The following RGS6 variants were observed in gnomAD, a reference collection of about 807,000 sequenced individuals.
The protein encoded by RGS6 is regulator of G protein signaling 6.
A neutral mutation model predicts 78.5 loss-of-function variants in RGS6; 30 were observed. The ratio of observed to expected loss-of-function variants is 0.38; its 90% CI spans 0.29 to 0.52. The LOEUF (loss-of-function observed/expected upper bound fraction) is 0.52, where lower values mean the gene tolerates loss of function less well. Ranked by LOEUF, RGS6 falls within the 20% of genes least tolerant of loss-of-function variation. The pLI is 0.85. For synonymous variants in RGS6, 206 were observed against 206.0 expected (o/e 1.00, Z 0.00); for missense variants, 495 against 609.7 (o/e 0.81, Z 1.98).
chr14:72,405,104 C>A (rs557779480), intron 3 of RGS6, among the ~76,000 whole-genome samples: 2 of 152,266 alleles, frequency 1.3e-5, no homozygotes, highest in Admixed American at 1.3e-4. Context: ...AGAATTGTTT[C>A]AAAACAGAGT....
intron 16 of RGS6, chr14:72,537,540 T>C: frequency 1.4e-6 from 1 of 702,370 alleles, no homozygotes; most frequent in Non-Finnish European, 2.6e-6. Context: ...TGATGGGCAG[T>C]GTGGAGCCTG....
intron 3 of RGS6, among the ~76,000 whole-genome samples, chr14:72,389,858 A>C (rs2089448796): frequency 6.6e-6 from 1 of 152,218 alleles, no homozygotes; most frequent in Non-Finnish European, 1.5e-5. Context: ...GTGTATAAAA[A>C]TCTTGGAGTT....
intron 2 of RGS6, among the ~76,000 whole-genome samples, chr14:72,335,368 C>T (rs2075839616): frequency 6.6e-6 from 1 of 152,124 alleles, no homozygotes; most frequent in African/African-American, 2.4e-5. Flanking sequence ...TTTCTGGGTT[C>T]CCTGATGAGA....
rs141187956 is a variant in RGS6, at chr14:72,437,768, C to T, written c.185-16760C>T. On this transcript the variant is annotated intron_variant, in intron 3 of 17. Transcript: ENST00000553525. ...GCCTGGCTCTGATGACATTCCACCC[C>T]GCAGTCTTCCAGCACACTGGGATCT... 4.3e-4 allele frequency among the ~76,000 whole-genome samples: 65 copies of T among 152,264 alleles called. No individual in the cohort carries two copies. In the East Asian group the frequency reaches 0.01, roughly 24 times the overall value.
At chr14:72,547,193 G>A (rs772262075) in intron 17 of RGS6, 1 of 1,535,258 alleles carries the variant, frequency 6.5e-7, no homozygotes, top group South Asian at 1.2e-5. Flanking sequence ...GGGAGCAGCA[G>A]CACCGCAGCA....
rs778084951 is a variant in RGS6, at chr14:72,352,163, C to T, written c.153C>T (p.Ser51=). The change falls in exon 3 of 18, where the codon AGC becomes AGT. Residue 51 remains serine (S), a synonymous_variant. Transcript: ENST00000553525. The part of the protein sequence containing the change: ...TGGVPIRTVK[S]FLSKIPSVVT... ...GTGTGCCCATCAGAACAGTCAAGAG[C>T]TTTCTCTCCAAAATCCCCAGTGTCG... 3.8e-5 allele frequency: 62 copies of T among 1,613,210 alleles called. No individual in the cohort carries two copies. The highest frequency in any genetic ancestry group is 5.1e-5 in the Non-Finnish European group (60 of 1,179,646).
intron 2 of RGS6, among the ~76,000 whole-genome samples, chr14:72,039,532 G>C (rs1481392451): frequency 6.6e-6 from 1 of 152,046 alleles, no homozygotes; most frequent in Non-Finnish European, 1.5e-5. Context: ...TGGTTACTAT[G>C]TGCATGGAAT....
intron 3 of RGS6, among the ~76,000 whole-genome samples, chr14:72,415,634 G>T (rs1259503998): frequency 6.6e-6 from 1 of 152,206 alleles, no homozygotes. Flanking sequence ...CGCTGGTCAT[G>T]CTGGGAGCTG....
In RGS6 at chr14:72,113,033, A is replaced by G. The variant is rs181164116; in HGVS notation, c.84+148158A>G. Among the ~76,000 whole-genome samples the G allele has an allele frequency of 6.8e-4, 104 of 152,282 alleles. 1 individual carries two copies. In the East Asian group the frequency reaches 0.019, roughly 28 times the overall value. On this transcript the variant is annotated intron_variant, in intron 2 of 17. Coordinates refer to ENST00000553525, the MANE Select transcript of RGS6 (RefSeq NM_001204424.2). ...ACGGGAGGGGCTGTTGAAAATGACC[A>G]GCTCTTTCCTCTGCCAGGCTTCCTA...
At chr14:72,321,447 G>A (rs2072000804) in intron 2 of RGS6, among the ~76,000 whole-genome samples, 1 of 151,864 alleles carries the variant, frequency 6.6e-6, no homozygotes, top group Non-Finnish European at 1.5e-5. Flanking sequence ...TTAACCATAT[G>A]CTATACCCCA....
At chr14:72,442,757 G>A (rs922899898) in intron 3 of RGS6, among the ~76,000 whole-genome samples, 2 of 152,158 alleles carry the variant, frequency 1.3e-5, no homozygotes, top group Non-Finnish European at 2.9e-5. Context: ...AGAGCTGGTG[G>A]GAGGGGAGCC....
intron 2 of RGS6, among the ~76,000 whole-genome samples, chr14:72,242,680 GA>G (rs1455957632): frequency 6.6e-6 from 1 of 152,020 alleles, no homozygotes; most frequent in African/African-American, 2.4e-5. Flanking sequence ...TTTTATTACA[GA>G]TATGAATATA....
At chr14:72,452,540 A>G (rs2095522806) in intron 3 of RGS6, among the ~76,000 whole-genome samples, 1 of 152,172 alleles carries the variant, frequency 6.6e-6, no homozygotes, top group South Asian at 2.1e-4. Context: ...CACCAGTCAC[A>G]TATCTAAGAA....
intron 2 of RGS6, among the ~76,000 whole-genome samples, chr14:72,267,096 A>G (rs865779298): frequency 2.0e-5 from 3 of 152,266 alleles, no homozygotes; most frequent in Middle Eastern, 3.4e-3. Context: ...CTGCCTCACT[A>G]GTTCAAATGA....
rs527278788 is a variant in RGS6 at position 72,315,849 on chromosome 14, C to A, written c.85-36246C>A. Among the ~76,000 whole-genome samples the A allele has an allele frequency of 6.6e-4, 101 of 152,278 alleles. 1 individual carries two copies. Among genetic ancestry groups the A allele is most frequent in the Middle Eastern group, 3.4e-3 (1 of 294 alleles). The stretch of plus-strand genomic sequence containing the variant: ...ACTTATTTACACAAGTAAGTTCTTC[C>A]CAGGCAGTGTGGCAGACTCAGCAGA... On this transcript the variant is annotated intron_variant, in intron 2 of 17. Coordinates refer to ENST00000553525, the MANE Select transcript of RGS6 (RefSeq NM_001204424.2).
chr14:72,576,930 A>T, the RGS6 span, among the ~76,000 whole-genome samples: 1 of 152,238 alleles, frequency 6.6e-6, no homozygotes, highest in Admixed American at 6.5e-5. Flanking sequence ...TGAAGTAAAC[A>T]CATGGGCTTT....
chr14:72,013,451 C>T (rs1320454413), intron 2 of RGS6, among the ~76,000 whole-genome samples: 2 of 152,010 alleles, frequency 1.3e-5, no homozygotes, highest in Non-Finnish European at 2.9e-5. Context: ...TGTAATCTTG[C>T]AAATTTAAAA....
At chr14:71,925,826 CT>C in the RGS6 span, among the ~76,000 whole-genome samples, 12 of 151,462 alleles carry the variant, frequency 7.9e-5, no homozygotes, top group African/African-American at 2.9e-4. Flanking sequence ...ATTACTACAG[CT>C]TACAAAATCA....
chr14:72,025,157 G>T (rs949073837), intron 2 of RGS6, among the ~76,000 whole-genome samples: 1 of 152,138 alleles, frequency 6.6e-6, no homozygotes, highest in Non-Finnish European at 1.5e-5. Context: ...CTATCATTTT[G>T]CTAGGACTGG....
Sources: allele counts gnomAD v4.1 joint callset (sites outside exome capture counted in the v4.1 genomes callset), GRCh38; gene constraint gnomAD v4.1.1; transcripts MANE v1.5; gene names NCBI Gene and HGNC (gene_info 2026-07-23, HGNC 2026-07-21).